The following PHLDB2 variants were observed in gnomAD, a reference collection of about 807,000 sequenced individuals.
The protein encoded by PHLDB2 is pleckstrin homology like domain family B member 2, also known as pleckstrin homology-like domain family B member 2.
PHLDB2 carries 71 observed loss-of-function variants against 123.6 expected under a neutral mutation model. The ratio of observed to expected loss-of-function variants is 0.57; its 90% CI spans 0.47 to 0.70. The LOEUF (loss-of-function observed/expected upper bound fraction) is 0.70. Among genes scored for constraint, PHLDB2 ranks in the 30% least tolerant of loss-of-function variants. The pLI is 0.00. For missense variants in PHLDB2, 1,446 were observed against 1,519.5 expected (o/e 0.95, Z 0.80); for synonymous variants, 547 against 541.6 (o/e 1.01, Z -0.14).
At chr3:111,805,759 G>A (rs2061554310) in intron 1 of PHLDB2, among the ~76,000 whole-genome samples, 2 of 148,134 alleles carry the variant, frequency 1.4e-5, no homozygotes, top group African/African-American at 5.1e-5. Context: ...TGGTGAGTGG[G>A]AGTGTTGACT....
chr3:111,759,542 A>C (rs1450334450), intron 1 of PHLDB2, among the ~76,000 whole-genome samples: 1 of 152,216 alleles, frequency 6.6e-6, no homozygotes, highest in East Asian at 1.9e-4. Flanking sequence ...ATATGTATGT[A>C]TGTATATCCC....
At position 111,758,862 on chromosome 3, in the gene PHLDB2, C is replaced by T. The variant is rs1179103556; in HGVS notation, c.-49+26159C>T. ...CATGGGAGGGGTGAGTCATCAACCA[C>T]GATAAACTCATGAAGATGGTTTTAT... On this transcript the variant is annotated intron_variant, in intron 1 of 17. Coordinates refer to the PHLDB2 transcript ENST00000393923. Among the ~76,000 whole-genome samples the T allele has an allele frequency of 3.3e-5, 5 of 152,188 alleles. No homozygotes were observed. In the South Asian group the frequency reaches 6.2e-4, roughly 19 times the overall value.
At chr3:111,765,897 C>A (rs555917633) in intron 1 of PHLDB2, among the ~76,000 whole-genome samples, 1 of 111,728 alleles carries the variant, frequency 9.0e-6, no homozygotes, top group African/African-American at 4.0e-5. Flanking sequence ...TATGCACACA[C>A]ACACACATAC....
intron 1 of PHLDB2, among the ~76,000 whole-genome samples, chr3:111,821,958 T>C (rs2108407013): frequency 6.6e-6 from 1 of 152,332 alleles, no homozygotes; most frequent in South Asian, 2.1e-4. Flanking sequence ...TCCAGGCTGC[T>C]GGCAGGCAAA....
chr3:111,928,447 C>T (rs2107558480), intron 5 of PHLDB2, among the ~76,000 whole-genome samples: 1 of 152,272 alleles, frequency 6.6e-6, no homozygotes, highest in South Asian at 2.1e-4. Flanking sequence ...TGTTACTAAG[C>T]CTTCTATCCC....
At chr3:111,775,463 G>C (rs1294897738) in intron 1 of PHLDB2, among the ~76,000 whole-genome samples, 2 of 152,164 alleles carry the variant, frequency 1.3e-5, no homozygotes, top group Admixed American at 1.3e-4. Context: ...CTGCAGGTGT[G>C]ATGCTAAATT....
chr3:111,777,095 A>G (rs982216659), intron 1 of PHLDB2, among the ~76,000 whole-genome samples: 1 of 152,114 alleles, frequency 6.6e-6, no homozygotes, highest in Non-Finnish European at 1.5e-5. Context: ...AGGAGGCAGC[A>G]TCATTTGCTG....
intron 1 of PHLDB2, among the ~76,000 whole-genome samples, chr3:111,842,665 T>C (rs1245186939): frequency 2.6e-5 from 4 of 152,218 alleles, no homozygotes; most frequent in Non-Finnish European, 4.4e-5. Flanking sequence ...CAATGGTTTT[T>C]AATATATTCA....
chr3:111,861,969 G>A (rs1284043655), intron 1 of PHLDB2, among the ~76,000 whole-genome samples: 1 of 152,110 alleles, frequency 6.6e-6, no homozygotes, highest in East Asian at 1.9e-4. Context: ...AGCCTCCCGA[G>A]TAGCTGGGAT....
intron 1 of PHLDB2, among the ~76,000 whole-genome samples, chr3:111,860,496 A>G (rs2108648210): frequency 6.6e-6 from 1 of 152,308 alleles, no homozygotes; most frequent in East Asian, 1.9e-4. Context: ...TGGTTCGCTT[A>G]ATAACTTAGC....
chr3:111,818,305 G>C (rs1043725454), intron 1 of PHLDB2, among the ~76,000 whole-genome samples: 1 of 151,914 alleles, frequency 6.6e-6, no homozygotes, highest in African/African-American at 2.4e-5. Flanking sequence ...CCTCTTAGAA[G>C]CCATGTATTT....
At chr3:111,823,674 A>T (rs540766691) in intron 1 of PHLDB2, among the ~76,000 whole-genome samples, 13 of 152,354 alleles carry the variant, frequency 8.5e-5, no homozygotes, top group Admixed American at 8.5e-4. Context: ...TAAATGACAG[A>T]CAATTGTACA....
chr3:111,839,323 G>A (rs2063562288), intron 1 of PHLDB2, among the ~76,000 whole-genome samples: 2 of 152,186 alleles, frequency 1.3e-5, no homozygotes, highest in Non-Finnish European at 2.9e-5. Context: ...TTTAATGTTA[G>A]TGTCAATGAC....
chr3:111,846,482 T>C (rs2063989905), intron 2 of PHLDB2: 1 of 152,862 alleles, frequency 6.5e-6, no homozygotes, highest in South Asian at 2.1e-4. Context: ...ATGCCTCAGA[T>C]GATCAAGTAA....
intron 4 of PHLDB2, among the ~76,000 whole-genome samples, chr3:111,919,503 CAG>C (rs1025381324): frequency 2.6e-5 from 4 of 152,254 alleles, no homozygotes; most frequent in South Asian, 2.1e-4. Flanking sequence ...CCTGACCTAA[CAG>C]AGGATCTATC....
chr3:111,966,530 GTGT>G, intron 13 of PHLDB2, 80 bp from the exon 14 acceptor site: 14 of 534,178 alleles, frequency 2.6e-5, no homozygotes, highest in East Asian at 5.1e-5. Flanking sequence ...TGTCTGGGGT[GTGT>G]GTGTGTGTGT....
intron 1 of PHLDB2, among the ~76,000 whole-genome samples, chr3:111,834,705 G>A (rs1172746699): frequency 6.6e-6 from 1 of 151,840 alleles, no homozygotes; most frequent in Non-Finnish European, 1.5e-5. Flanking sequence ...CCAAATTATT[G>A]AGACCAATTT....
chr3:111,829,927 A>AACACAC (rs72357648), intron 1 of PHLDB2, among the ~76,000 whole-genome samples: 11,893 of 135,808 alleles, frequency 0.088, 594 homozygotes, highest in South Asian at 0.14. Flanking sequence ...AACTATTCAA[A>AACACAC]ACACACACAC....
At chr3:111,817,821 A>T (rs1314084152) in intron 1 of PHLDB2, among the ~76,000 whole-genome samples, 1 of 152,202 alleles carries the variant, frequency 6.6e-6, no homozygotes, top group African/African-American at 2.4e-5. Flanking sequence ...ATCAAATCAG[A>T]CTGAGCAGAA....
Sources: gnomAD v4.1 joint callset for allele counts (sites outside exome capture counted in the v4.1 genomes callset) on GRCh38, gnomAD v4.1.1 for gene constraint, MANE v1.5 for transcripts, NCBI Gene and HGNC (gene_info 2026-07-23, HGNC 2026-07-21) for gene names.